The following ASB5 variants were observed in gnomAD, a reference collection of about 807,000 sequenced individuals.
The protein encoded by ASB5 is ankyrin repeat and SOCS box protein 5.
Under a neutral mutation model 42.1 loss-of-function variants are expected in ASB5, and 45 were observed. The ratio of observed to expected loss-of-function variants is 1.07; its 90% CI spans 0.84 to 1.37. The LOEUF is 1.37. Ranked by LOEUF, ASB5 falls within the 40% of genes most tolerant of loss-of-function variation. ASB5 has a pLI of 0.00. For missense variants in ASB5, 402 were observed against 399.8 expected (o/e 1.01, Z -0.05); for synonymous variants, 147 against 150.6 (o/e 0.98, Z 0.18).
At chr4:176,217,298 A>C (rs549421218) in intron 5 of ASB5, among the ~76,000 whole-genome samples, 1 of 152,218 alleles carries the variant, frequency 6.6e-6, no homozygotes, top group East Asian at 1.9e-4. Context: ...TATCATAATA[A>C]AATTCTTTTT....
chr4:176,260,970 G>C (rs776313219), intron 1 of ASB5, among the ~76,000 whole-genome samples: 1 of 152,028 alleles, frequency 6.6e-6, no homozygotes, highest in African/African-American at 2.4e-5. Flanking sequence ...CCACCACGTC[G>C]GCAAGAAATG....
At chr4:176,227,746 C>T (rs1237553762) in intron 1 of ASB5, among the ~76,000 whole-genome samples, 1 of 152,128 alleles carries the variant, frequency 6.6e-6, no homozygotes, top group African/African-American at 2.4e-5. Context: ...CCTGCAGTGA[C>T]AACACTTTTC....
Position 176,221,139 on chromosome 4 carries a change from T to C in ASB5, c.670+16A>G. ...GTGTGTATGGACAGAATGGAAGATG[T>C]TTTAAAGGAAAATACCAGCATAAAG... is the stretch of plus-strand genomic sequence containing the variant. On this transcript the variant is annotated intron_variant, in intron 5 of 6. Transcript: ENST00000296525. 1 of 1,605,068 alleles carries C rather than the reference T, an allele frequency of 6.2e-7. No individual in the cohort carries two copies. The highest frequency in any genetic ancestry group is 1.1e-5 in the South Asian group (1 of 89,440).
Position 176,221,299 on chromosome 4 carries a change from C to T in ASB5, c.536-10G>A, listed in dbSNP as rs765314123. On this transcript the variant is annotated splice_polypyrimidine_tract_variant and intron_variant, in intron 4 of 6. Coordinates refer to ENST00000296525, the MANE Select transcript of ASB5 (RefSeq NM_080874.4). ...AGACATTCATGGTGACCTGCCAACA[C>T]AAAGTAGAGGAGTTTAACTTAATGC... 51 of 1,613,362 alleles carry T rather than the reference C, an allele frequency of 3.2e-5. No homozygotes were observed. In the Middle Eastern group the frequency reaches 4.9e-4, roughly 16 times the overall value.
chr4:176,268,097 C>G (rs1438202526), intron 1 of ASB5, among the ~76,000 whole-genome samples: 1 of 149,572 alleles, frequency 6.7e-6, no homozygotes, highest in Non-Finnish European at 1.5e-5. Flanking sequence ...AGAAATGAAT[C>G]TGAAGACTAT....
At chr4:176,216,316 G>C (rs1313728072) in intron 6 of ASB5, among the ~76,000 whole-genome samples, 1 of 152,052 alleles carries the variant, frequency 6.6e-6, no homozygotes, top group Admixed American at 6.6e-5. Context: ...AAATATATGA[G>C]AGTTTAGGTA....
At chr4:176,233,697 TC>T (rs1440607598) in intron 1 of ASB5, among the ~76,000 whole-genome samples, 1 of 152,178 alleles carries the variant, frequency 6.6e-6, no homozygotes, top group Non-Finnish European at 1.5e-5. Flanking sequence ...GTCCTCATCA[TC>T]CAAGCTCAGT....
intron 1 of ASB5, among the ~76,000 whole-genome samples, chr4:176,262,997 A>G (rs76385785): frequency 2.0e-3 from 311 of 152,276 alleles, no homozygotes; most frequent in Non-Finnish European, 2.9e-3. Context: ...TTGATCCTCA[A>G]TGTTGGAGGT....
At chr4:176,236,853 CATT>C (rs1363370789) in intron 1 of ASB5, among the ~76,000 whole-genome samples, 1 of 152,160 alleles carries the variant, frequency 6.6e-6, no homozygotes. Context: ...AGTTTTCTAT[CATT>C]ATAATTAATG....
chr4:176,217,780 C>T (rs1206666664), intron 5 of ASB5, among the ~76,000 whole-genome samples: 1 of 152,006 alleles, frequency 6.6e-6, no homozygotes, highest in African/African-American at 2.4e-5. Context: ...AAATAACCAT[C>T]CCATTTTCTG....
intron 1 of ASB5, among the ~76,000 whole-genome samples, chr4:176,233,408 G>A (rs1753601936): frequency 6.6e-6 from 1 of 151,942 alleles, no homozygotes; most frequent in African/African-American, 2.4e-5. Flanking sequence ...TTACTTCTGG[G>A]GATTCACCTA....
chr4:176,226,564 A>G (rs1753384418), intron 1 of ASB5, among the ~76,000 whole-genome samples: 1 of 152,114 alleles, frequency 6.6e-6, no homozygotes, highest in South Asian at 2.1e-4. Context: ...CTGTCTATGT[A>G]TCTAGGTATC....
intron 1 of ASB5, among the ~76,000 whole-genome samples, chr4:176,245,814 C>T (rs190251899): frequency 2.4e-4 from 36 of 152,148 alleles, no homozygotes; most frequent in Non-Finnish European, 2.2e-4. Flanking sequence ...AACCAAACAC[C>T]GCATATTCTT....
At position 176,266,462 on chromosome 4, in the gene ASB5, A is replaced by G. The variant is rs191951792; in HGVS notation, c.196+2451T>C. On this transcript the variant is annotated intron_variant, in intron 1 of 6. Transcript: ENST00000296525. ...TAATTAGTGACTTATAAAGACACAA[A>G]CAAAATAAAAAATAGTTTACTTATA... Among the ~76,000 whole-genome samples the G allele has an allele frequency of 1.4e-3, 214 of 152,304 alleles. 3 individuals carry two copies. Among genetic ancestry groups the G allele is most frequent in the South Asian group, 5.2e-3 (25 of 4,830 alleles).
chr4:176,217,025 A>T lies in ASB5; in HGVS notation c.671-16T>A, dbSNP rs1752991007. 1 of 1,557,370 alleles carries T rather than the reference A, an allele frequency of 6.4e-7. No individual in the cohort carries two copies. The highest frequency in any genetic ancestry group is 8.7e-7 in the Non-Finnish European group (1 of 1,152,288). On this transcript the variant is annotated splice_polypyrimidine_tract_variant and intron_variant, in intron 5 of 6. Transcript: ENST00000296525. The stretch of plus-strand genomic sequence containing the variant: ...ACGTCAGCACCTACATGTAATACGG[A>T]GTGAAGATAAATATAAATAAAAGTT...
chr4:176,221,577 G>A lies in ASB5; in HGVS notation c.408C>T (p.Gly136=), dbSNP rs61748176. 1.8e-3 allele frequency: 2,962 copies of A among 1,612,540 alleles called. 4 individuals carry two copies. Among genetic ancestry groups the A allele is most frequent in the South Asian group, 3.5e-3 (320 of 90,892 alleles). Residue 136 remains glycine, a synonymous_variant, in exon 4 of 7, where the codon GGC becomes GGT. Transcript: ENST00000296525. The part of the protein sequence containing the change: ...GANVNAITID[G]VTPLFNACSQ... ...AGCATGCGTTGAATAACGGAGTCAC[G>A]CCATCTATCGTGATTGCATTTACCT... is the stretch of plus-strand genomic sequence containing the variant.
intron 2 of ASB5, among the ~76,000 whole-genome samples, chr4:176,223,541 A>C (rs528757361): frequency 6.6e-6 from 1 of 152,240 alleles, no homozygotes; most frequent in Non-Finnish European, 1.5e-5. Flanking sequence ...CAATCATACT[A>C]AGCACTGTAA....
chr4:176,224,883 A>T (rs1461500075), intron 2 of ASB5, among the ~76,000 whole-genome samples: 1 of 152,224 alleles, frequency 6.6e-6, no homozygotes, highest in African/African-American at 2.4e-5. Context: ...TTGCTTTGGC[A>T]TCTGAACTGG....
chr4:176,227,092 A>T lies in ASB5; in HGVS notation c.197-1751T>A, dbSNP rs781084236. ...AAAACAAAGAAGACAATGAGTGGTCATGGCAGTCAGGGCTAGGAGCATCAG... is the reference window on the plus strand; with the variant it reads ...AAAACAAAGAAGACAATGAGTGGTCTTGGCAGTCAGGGCTAGGAGCATCAG... On this transcript the variant is annotated intron_variant, in intron 1 of 6. Coordinates refer to ENST00000296525, the MANE Select transcript of ASB5 (RefSeq NM_080874.4). Among the ~76,000 whole-genome samples, 41 of 152,374 alleles carry T rather than the reference A, an allele frequency of 2.7e-4. 1 individual carries two copies. The Middle Eastern group carries it at 0.01, about 38-fold the overall frequency.
Sources: allele counts gnomAD v4.1 joint callset (sites outside exome capture counted in the v4.1 genomes callset), GRCh38; gene constraint gnomAD v4.1.1; transcripts MANE v1.5; gene names NCBI Gene and HGNC (gene_info 2026-07-23, HGNC 2026-07-21).